The following SAMD4B variants were observed in gnomAD, a reference collection of about 807,000 sequenced individuals.
SAMD4B encodes sterile alpha motif domain containing 4B, also known as protein Smaug homolog 2.
In SAMD4B, 5 loss-of-function variants were observed where a neutral mutation model predicts 74.5. That is an observed-to-expected ratio of 0.07 (90% CI 0.04 to 0.14). SAMD4B has a LOEUF of 0.14. Among genes scored for constraint, SAMD4B ranks in the 10% least tolerant of loss-of-function variants. SAMD4B has a pLI of 1.00. For synonymous variants in SAMD4B, 373 were observed against 374.9 expected, an observed-to-expected ratio of 1.00 and a Z score of 0.06; for missense variants, 608 against 921.8, an observed-to-expected ratio of 0.66 and a Z score of 4.41.
At chr19:39,373,077 C>G (rs766651006) in intron 4 of SAMD4B, among the ~76,000 whole-genome samples, 1 of 152,198 alleles carries the variant, frequency 6.6e-6, no homozygotes, top group African/African-American at 2.4e-5. Context: ...CAGGCTAGCC[C>G]TCCTTCCTGG....
chr19:39,346,584 A>G (rs1400560355), intron 1 of SAMD4B, among the ~76,000 whole-genome samples: 1 of 152,212 alleles, frequency 6.6e-6, no homozygotes, highest in African/African-American at 2.4e-5. Flanking sequence ...TACCTACCCT[A>G]TGAGGTAAGT....
At chr19:39,388,911 A>G (rs898883027), downstream of SAMD4B, 3 of 1,609,098 alleles carry the variant, frequency 1.9e-6, no homozygotes, top group African/African-American at 4.0e-5. Flanking sequence ...AGGCACAAAT[A>G]GGCTGTCCCT....
chr19:39,380,414 T>G (rs1404495253), intron 10 of SAMD4B, among the ~76,000 whole-genome samples, 173 bp from the exon 11 acceptor site: 1 of 152,212 alleles, frequency 6.6e-6, no homozygotes, highest in East Asian at 1.9e-4. Context: ...AAGAAACCCT[T>G]GTACATGTCC....
chr19:39,365,515 A>G (rs892982325), intron 3 of SAMD4B, among the ~76,000 whole-genome samples: 12 of 152,162 alleles, frequency 7.9e-5, no homozygotes, highest in Non-Finnish European at 1.3e-4. Flanking sequence ...AGATCATGCC[A>G]CTGCACTCCA....
chr19:39,388,959 G>A, downstream of SAMD4B: 1 of 1,614,118 alleles, frequency 6.2e-7, no homozygotes, highest in Non-Finnish European at 8.5e-7. Flanking sequence ...TAAAGTCTGG[G>A]AAGACAGGCA....
chr19:39,352,455 C>G (rs1037983773), intron 1 of SAMD4B: 5 of 143,204 alleles, frequency 3.5e-5, no homozygotes, highest in African/African-American at 1.3e-4. Flanking sequence ...GGGGATTTTA[C>G]TTTAAAATTC....
In SAMD4B at chr19:39,375,651, T is replaced by A; in HGVS notation, c.669T>A (p.Gly223=). The A allele has an allele frequency of 6.3e-7, 1 of 1,598,820 alleles. No individual in the cohort carries two copies. Among genetic ancestry groups the A allele is most frequent in the Non-Finnish European group, 8.6e-7 (1 of 1,167,260 alleles). Residue 223 remains glycine, a splice_region_variant and synonymous_variant, in exon 5 of 14, where the codon GGT becomes GGA. Coordinates refer to ENST00000610417, the MANE Select transcript of SAMD4B (RefSeq NM_001384574.2). This position sits in a 1 kb window ranked among gnomAD's most constrained non-coding sequence, Gnocchi z 4.1. ...TTGCTTTTCTCCCACTCTGGCCAGG[T>A]CTCCCCTGCCAAATCCACCCTAGCC... The part of the protein sequence containing the change: ...INSIGSNANT[G]LPCQIHPSPL...
rs1280864515 is a variant in SAMD4B at position 39,383,736 on chromosome 19, G to C, written c.*209G>C. ...CGTCGAGGGATCTCTGCTGAGGCCC[G>C]GGGAGTTGGGGGCAGCCAGGATAAA... On this transcript the variant is annotated 3_prime_UTR_variant, in exon 14 of 14. Coordinates refer to ENST00000610417, the MANE Select transcript of SAMD4B (RefSeq NM_001384574.2). The surrounding 1 kb of genome is among the most constrained non-coding windows in gnomAD (Gnocchi z 4.1). 1 of 1,531,344 alleles carries C rather than the reference G, an allele frequency of 6.5e-7. No individual in the cohort carries two copies. The highest frequency in any genetic ancestry group is 1.2e-5 in the South Asian group (1 of 84,024). The allele number at this position is 1,531,344 out of a possible 1,614,324, so 94.9% of individuals were successfully genotyped here.
chr19:39,371,599 C>T (rs1038714608), intron 4 of SAMD4B, among the ~76,000 whole-genome samples: 13 of 152,088 alleles, frequency 8.5e-5, no homozygotes, highest in African/African-American at 2.9e-4. Context: ...GGCAGATCAC[C>T]TGAGGTCAGG....
At chr19:39,386,540 T>C, downstream of SAMD4B, 1 of 1,614,074 alleles carries the variant, frequency 6.2e-7, no homozygotes, top group Non-Finnish European at 8.5e-7. This position sits in a 1 kb window ranked among gnomAD's most constrained non-coding sequence, Gnocchi z 6.1. Flanking sequence ...CCTCCTCCGG[T>C]TCGTGGTTTT....
chr19:39,374,547 T>A (rs2077492045), intron 4 of SAMD4B, among the ~76,000 whole-genome samples: 1 of 152,006 alleles, frequency 6.6e-6, no homozygotes, highest in East Asian at 1.9e-4. Flanking sequence ...GGGGTGTAGT[T>A]AATAAGTAAA....
At chr19:39,361,300 C>G (rs2076630728) in intron 3 of SAMD4B, among the ~76,000 whole-genome samples, 2 of 152,192 alleles carry the variant, frequency 1.3e-5, no homozygotes, top group African/African-American at 4.8e-5. Flanking sequence ...CTCTTGAGTT[C>G]AGTTGGTTCA....
intron 3 of SAMD4B, among the ~76,000 whole-genome samples, chr19:39,363,536 C>A (rs1017372201): frequency 2.0e-5 from 3 of 152,188 alleles, no homozygotes; most frequent in African/African-American, 7.2e-5. Flanking sequence ...CGAGGAGCAA[C>A]AACAATAATA....
At position 39,375,399 on chromosome 19, in the gene SAMD4B, CA is replaced by C. The variant is rs2145775870; in HGVS notation, c.668-250del. 6.6e-6 allele frequency among the ~76,000 whole-genome samples: 1 copy of C among 152,262 alleles called. No individual in the cohort carries two copies. Among genetic ancestry groups the C allele is most frequent in the East Asian group, 1.9e-4 (1 of 5,188 alleles). ...AGGAGGCTGTGGCAGTAATTCCTGC[CA>C]GGGGTGCTGGTGGCTTGAGCCAGCG... On this transcript the variant is annotated intron_variant, in intron 4 of 13. Transcript: ENST00000610417. This position sits in a 1 kb window ranked among gnomAD's most constrained non-coding sequence, Gnocchi z 4.1.
At chr19:39,362,706 C>A (rs549460484) in intron 3 of SAMD4B, among the ~76,000 whole-genome samples, 1 of 152,092 alleles carries the variant, frequency 6.6e-6, no homozygotes, top group African/African-American at 2.4e-5. Context: ...AGGAAGGAGA[C>A]TAGGGGGGTC....
At chr19:39,388,661 C>T, downstream of SAMD4B, 1 of 1,614,158 alleles carries the variant, frequency 6.2e-7, no homozygotes, top group Non-Finnish European at 8.5e-7. Flanking sequence ...GGTTCCCTTC[C>T]TCATCCATCA....
intron 1 of SAMD4B, among the ~76,000 whole-genome samples, chr19:39,343,041 C>T (rs563139744): frequency 6.6e-6 from 1 of 152,120 alleles, no homozygotes; most frequent in Admixed American, 6.5e-5. Context: ...CCGTCCTCCT[C>T]CTGTCTCCAG....
intron 1 of SAMD4B, among the ~76,000 whole-genome samples, chr19:39,343,991 C>CACACA (rs111928210): frequency 1.4e-4 from 13 of 95,928 alleles, no homozygotes; most frequent in Non-Finnish European, 3.5e-4. Context: ...GACCCCCCCC[C>CACACA]CCCACACACA....
chr19:39,389,138 G>A (rs1473533063), downstream of SAMD4B: 4 of 1,614,042 alleles, frequency 2.5e-6, no homozygotes, highest in South Asian at 4.4e-5. The surrounding 1 kb of genome is among the most constrained non-coding windows in gnomAD (Gnocchi z 5.3). Context: ...CTGTGATCTG[G>A]CTATCCCTGT....
Sources: allele counts gnomAD v4.1 joint callset (sites outside exome capture counted in the v4.1 genomes callset), GRCh38; gene constraint gnomAD v4.1.1; non-coding constraint Gnocchi (gnomAD v3.1); transcripts MANE v1.5; gene names NCBI Gene and HGNC (gene_info 2026-07-23, HGNC 2026-07-21).